The following NBEAL1 variants were observed in gnomAD, a reference collection of about 807,000 sequenced individuals.
NBEAL1 encodes neurobeachin like 1.
NBEAL1 carries 273 observed loss-of-function variants against 351.3 expected under a neutral mutation model. The observed-to-expected ratio is 0.78, with a 90% CI of 0.70 to 0.86. NBEAL1 has a LOEUF of 0.86. Ranked by LOEUF, NBEAL1 falls within the 40% of genes least tolerant of loss-of-function variation. The pLI, the probability that NBEAL1 is intolerant of heterozygous loss-of-function variation, is 0.00. For synonymous variants in NBEAL1, 1,050 were observed against 1,086.4 expected, an observed-to-expected ratio of 0.97 and a Z score of 0.66; for missense variants, 2,961 against 3,201.3, an observed-to-expected ratio of 0.92 and a Z score of 1.81.
intron 36 of NBEAL1, among the ~76,000 whole-genome samples, chr2:203,163,951 T>C (rs2064049643): frequency 6.6e-6 from 1 of 152,088 alleles, no homozygotes; most frequent in Non-Finnish European, 1.5e-5. Context: ...GCCCATTTTT[T>C]AATTGGTTGT....
intron 49 of NBEAL1, 139 bp from the exon 50 acceptor site, chr2:203,201,404 A>G (rs2065395007): frequency 3.6e-6 from 2 of 562,874 alleles, no homozygotes; most frequent in Non-Finnish European, 5.6e-6. Flanking sequence ...CTGAAAGTCT[A>G]TCGTTTATTA....
intron 42 of NBEAL1, among the ~76,000 whole-genome samples, chr2:203,176,198 G>A (rs2064495625): frequency 1.6e-5 from 2 of 127,200 alleles, no homozygotes; most frequent in South Asian, 5.0e-4. Flanking sequence ...TTTTGAGACA[G>A]AGTCTCACTC....
intron 19 of NBEAL1, among the ~76,000 whole-genome samples, chr2:203,123,560 C>T (rs1342659927): frequency 6.6e-6 from 1 of 152,104 alleles, no homozygotes; most frequent in Non-Finnish European, 1.5e-5. Context: ...TCTCGGACTC[C>T]TGACCTCAGT....
intron 6 of NBEAL1, chr2:203,061,690 G>A (rs185744854): frequency 1.8e-4 from 29 of 159,396 alleles, no homozygotes; most frequent in Admixed American, 2.5e-4. Flanking sequence ...CTCGAAGGGC[G>A]TAGGAAGAAG....
rs552556126 is a variant in NBEAL1, at chr2:203,144,365, C to A, written c.4849-235C>A. Among the ~76,000 whole-genome samples, 3 of 152,292 alleles carry A rather than the reference C, an allele frequency of 2.0e-5. No individual in the cohort carries two copies. The South Asian group carries it at 6.2e-4, about 32-fold the overall frequency. ...AACAATGCAAATGCTGATACTCTGG[C>A]TACTGCTATTGCTGTAGATCTTGGT... On this transcript the variant is annotated intron_variant, in intron 31 of 55. Coordinates refer to ENST00000683969, the MANE Select transcript of NBEAL1 (RefSeq NM_001378026.1).
At chr2:203,205,750 TCTTTACCAAATAAATTTAGGAA>T (rs570563598) in intron 51 of NBEAL1, among the ~76,000 whole-genome samples, 104 of 152,352 alleles carry the variant, frequency 6.8e-4, no homozygotes, top group African/African-American at 2.4e-3. Context: ...GGATATGCAA[TCTTTACCAAATAAATTTAGGAA>T]GGGCTCCTCT....
chr2:203,202,351 A>G (rs1196466352), intron 50 of NBEAL1, among the ~76,000 whole-genome samples: 1 of 152,184 alleles, frequency 6.6e-6, no homozygotes, highest in Non-Finnish European at 1.5e-5. Context: ...TAGAAGGTGA[A>G]TGGGGATGAG....
chr2:203,174,216 CAA>C (rs10652390), intron 41 of NBEAL1, among the ~76,000 whole-genome samples: 11 of 24,612 alleles, frequency 4.5e-4, no homozygotes, highest in Non-Finnish European at 6.9e-4. Flanking sequence ...TTTATACTAG[CAA>C]AAAAAAAAAA....
chr2:203,120,366 T>G (rs2062802017), intron 18 of NBEAL1, among the ~76,000 whole-genome samples: 1 of 152,194 alleles, frequency 6.6e-6, no homozygotes, highest in African/African-American at 2.4e-5. Context: ...TATCCTTAAC[T>G]AATATACAAT....
At chr2:203,207,257 G>A (rs1371344420) in intron 51 of NBEAL1, among the ~76,000 whole-genome samples, 4 of 151,152 alleles carry the variant, frequency 2.6e-5, no homozygotes, top group Non-Finnish European at 5.9e-5. Context: ...GAGCATCTCC[G>A]CCCGGCAGCC....
chr2:203,190,520 C>T, intron 46 of NBEAL1, 131 bp downstream of exon 46: 1 of 763,340 alleles, frequency 1.3e-6, no homozygotes, highest in South Asian at 1.8e-5. Flanking sequence ...TCTGTTTGCT[C>T]AGAAAGTCTT....
At position 203,188,603 on chromosome 2, in the gene NBEAL1, C is replaced by T; in HGVS notation, c.6823+14C>T. 7.0e-7 allele frequency: 1 copy of T among 1,421,424 alleles called. No individual in the cohort carries two copies. The highest frequency in any genetic ancestry group is 9.8e-7 in the Non-Finnish European group (1 of 1,023,234). 88.1% of individuals were successfully genotyped at this position (1,421,424 alleles called of 1,614,324 possible). On this transcript the variant is annotated intron_variant, in intron 45 of 55. Coordinates refer to ENST00000683969, the MANE Select transcript of NBEAL1 (RefSeq NM_001378026.1). ...GTAGTTATGAAGGTATAAATCTATA[C>T]ACTTTTTCTCTTGCTTTACCTTGAT...
intron 2 of NBEAL1, among the ~76,000 whole-genome samples, chr2:203,022,238 T>A (rs751920841): frequency 5.3e-5 from 8 of 152,152 alleles, no homozygotes; most frequent in Non-Finnish European, 1.0e-4. Flanking sequence ...TAGATAAGAT[T>A]AAGCTATTTT....
At position 203,169,956 on chromosome 2, in the gene NBEAL1, T is replaced by C. The variant is rs1033251389; in HGVS notation, c.6102+105T>C. Reference sequence around the variant, plus strand: ...GATTTTTACAACTGCTGTTCTTCCATTCAGACTGATCTTTTGAATTATCTT... The same window carrying C: ...GATTTTTACAACTGCTGTTCTTCCACTCAGACTGATCTTTTGAATTATCTT... On this transcript the variant is annotated intron_variant, in intron 39 of 55. Transcript: ENST00000683969. 5.7e-6 allele frequency: 4 copies of C among 702,914 alleles called. No individual in the cohort carries two copies. The African/African-American group carries it at 7.4e-5, about 13-fold the overall frequency. 43.5% of individuals were successfully genotyped at this position (702,914 alleles called of 1,614,324 possible).
rs1242665279 is a variant in NBEAL1 at position 203,102,692 on chromosome 2, T to C, written c.1269+2980T>C. ...ATAGTGGATTAGCTCTTTGATGTGC[T>C]GCTGGATTCTGTTTGCTAATGTTTT... On this transcript the variant is annotated intron_variant, in intron 12 of 55. Coordinates refer to ENST00000683969, the MANE Select transcript of NBEAL1 (RefSeq NM_001378026.1). Among the ~76,000 whole-genome samples the C allele has an allele frequency of 2.6e-5, 4 of 152,226 alleles. No individual in the cohort carries two copies. The East Asian group carries it at 7.7e-4, about 29-fold the overall frequency.
At chr2:203,128,399 C>T (rs1185902798) in intron 24 of NBEAL1, among the ~76,000 whole-genome samples, 2 of 151,064 alleles carry the variant, frequency 1.3e-5, no homozygotes, top group African/African-American at 2.4e-5. Flanking sequence ...TGAGCCACCA[C>T]GCCAGGCCAG....
At chr2:203,168,893 C>CAA (rs35683401) in intron 38 of NBEAL1, among the ~76,000 whole-genome samples, 3,267 of 95,814 alleles carry the variant, frequency 0.034, 224 homozygotes, top group Non-Finnish European at 0.043. Context: ...GACTCCATCT[C>CAA]AAAAAAAAAA....
intron 3 of NBEAL1, among the ~76,000 whole-genome samples, chr2:203,042,476 T>C (rs1004555489): frequency 9.2e-5 from 14 of 152,264 alleles, no homozygotes; most frequent in East Asian, 1.9e-4. Context: ...CAGAGTTTTA[T>C]TGGAGTCTTA....
intron 2 of NBEAL1, among the ~76,000 whole-genome samples, chr2:203,018,979 TA>T (rs1236602796): frequency 2.6e-5 from 4 of 152,242 alleles, no homozygotes; most frequent in African/African-American, 9.6e-5. Context: ...AAACAAAGTA[TA>T]CATGTATTTT....
Sources: gnomAD v4.1 joint callset for allele counts (sites outside exome capture counted in the v4.1 genomes callset) on GRCh38, gnomAD v4.1.1 for gene constraint, MANE v1.5 for transcripts, NCBI Gene and HGNC (gene_info 2026-07-23, HGNC 2026-07-21) for gene names.